Variants in RANBP2 observed in about 807,000 individuals in gnomAD.
RANBP2 encodes E3 SUMO-protein ligase RanBP2.
In RANBP2, 57 loss-of-function variants were observed where a neutral mutation model predicts 303.6. The observed-to-expected ratio is 0.19, with a 90% CI of 0.15 to 0.23. The LOEUF (loss-of-function observed/expected upper bound fraction) is 0.23, where lower values mean the gene tolerates loss of function less well. Among genes scored for constraint, RANBP2 ranks in the 10% least tolerant of loss-of-function variants. The pLI is 1.00. For synonymous variants in RANBP2, 1,167 were observed against 1,301.5 expected (o/e 0.90, Z 2.23); for missense variants, 3,138 against 3,780.8 (o/e 0.83, Z 4.46).
chr2:109,230,274 C>T, the RANBP2 span, among the ~76,000 whole-genome samples: 1,930 of 152,116 alleles, frequency 0.013, 19 homozygotes, highest in South Asian at 0.024. Flanking sequence ...CATATACTTC[C>T]AGTAGAAATC....
At chr2:108,861,472 C>CTTTTTTTTTTTTTTTT in the RANBP2 span, among the ~76,000 whole-genome samples, 10 of 123,520 alleles carry the variant, frequency 8.1e-5, no homozygotes, top group East Asian at 6.6e-4. Flanking sequence ...AACTTTCTTC[C>CTTTTTTTTTTTTTTTT]TTTTTTTTTT....
the RANBP2 span, among the ~76,000 whole-genome samples, chr2:109,249,573 TTCCTTCC>T: frequency 9.7e-4 from 133 of 137,420 alleles, 5 homozygotes; most frequent in African/African-American, 3.7e-3. Flanking sequence ...CCTTCCTTCC[TTCCTTCC>T]TTCCTTTCCT....
the RANBP2 span, among the ~76,000 whole-genome samples, chr2:109,680,380 A>G: frequency 6.6e-6 from 1 of 151,120 alleles, no homozygotes; most frequent in Non-Finnish European, 1.5e-5. Context: ...CAAAAAAAAT[A>G]ATAAAAAAAA....
chr2:109,522,841 A>C, the RANBP2 span, among the ~76,000 whole-genome samples: 2 of 152,236 alleles, frequency 1.3e-5, no homozygotes, highest in African/African-American at 2.4e-5. Flanking sequence ...CCAGGGTGGA[A>C]GCACGTGGCA....
chr2:109,518,483 G>A, the RANBP2 span, among the ~76,000 whole-genome samples: 2 of 152,156 alleles, frequency 1.3e-5, no homozygotes, highest in Non-Finnish European at 2.9e-5. Flanking sequence ...CAGAGCCTAC[G>A]GCCCAGCTCC....
the RANBP2 span, among the ~76,000 whole-genome samples, chr2:109,025,466 A>G: frequency 6.6e-6 from 1 of 152,370 alleles, no homozygotes; most frequent in East Asian, 1.9e-4. Flanking sequence ...CTTGACGTAC[A>G]TATTTTGGGG....
intron 28 of RANBP2, 146 bp downstream of exon 28, chr2:108,783,008 A>G (rs1477017585): frequency 1.1e-5 from 8 of 743,904 alleles, no homozygotes; most frequent in African/African-American, 1.8e-5. Context: ...ACATGGCATC[A>G]CTACCCATTC....
the RANBP2 span, among the ~76,000 whole-genome samples, chr2:109,461,280 T>C: frequency 1.3e-5 from 2 of 152,220 alleles, no homozygotes; most frequent in African/African-American, 4.8e-5. Flanking sequence ...TGGTCAAGCA[T>C]TTAGTCTCTA....
At chr2:109,079,350 T>G in the RANBP2 span, among the ~76,000 whole-genome samples, 2 of 152,182 alleles carry the variant, frequency 1.3e-5, no homozygotes, top group African/African-American at 2.4e-5. Flanking sequence ...ATGAATTGAC[T>G]GTTTGTGTTA....
chr2:109,597,097 C>A, the RANBP2 span, among the ~76,000 whole-genome samples: 2 of 152,026 alleles, frequency 1.3e-5, no homozygotes, highest in Admixed American at 1.3e-4. Flanking sequence ...ACTGGCACAT[C>A]CCAGCACACT....
chr2:108,723,465 C>T lies in RANBP2; in HGVS notation c.72+3787C>T, dbSNP rs192640329. 1.4e-4 allele frequency among the ~76,000 whole-genome samples: 21 copies of T among 151,970 alleles called. No individual in the cohort carries two copies. The East Asian group carries it at 4.1e-3, about 29-fold the overall frequency. On this transcript the variant is annotated intron_variant, in intron 1 of 28. Transcript: ENST00000283195. ...AATTTTTTAGTATTTTTAGTAGAGA[C>T]GGGGTTTCACCGTGTTAGCCAGGAT... is the stretch of plus-strand genomic sequence containing the variant.
chr2:109,005,323 T>C, the RANBP2 span, among the ~76,000 whole-genome samples: 56 of 152,206 alleles, frequency 3.7e-4, no homozygotes, highest in African/African-American at 1.3e-3. Context: ...ATCTCCATGT[T>C]GCACAGAAGG....
chr2:108,789,914 CAAG>C (rs1231474307), downstream of RANBP2, among the ~76,000 whole-genome samples: 5 of 152,100 alleles, frequency 3.3e-5, no homozygotes. Flanking sequence ...CTATGGGTAT[CAAG>C]AAGGAGTAAG....
the RANBP2 span, among the ~76,000 whole-genome samples, chr2:109,021,217 T>TGTTGTGAAAAGTGTGTGTGAAAA: frequency 4.0e-5 from 6 of 151,884 alleles, no homozygotes; most frequent in East Asian, 9.7e-4. Flanking sequence ...CAGCATGGGG[T>TGTTGTGAAAAGTGTGTGTGAAAA]CTGTGTGAAA....
chr2:109,028,946 T>C, the RANBP2 span, among the ~76,000 whole-genome samples: 1 of 143,730 alleles, frequency 7.0e-6, no homozygotes, highest in Non-Finnish European at 1.5e-5. Flanking sequence ...TATTTGTTTG[T>C]TTATTTATTT....
the RANBP2 span, among the ~76,000 whole-genome samples, chr2:109,273,675 T>C: frequency 2.0e-5 from 3 of 152,184 alleles, no homozygotes; most frequent in South Asian, 2.1e-4. Context: ...CAACTGCTGA[T>C]GGGGACACAC....
At chr2:108,723,496 C>G (rs1474238991) in intron 1 of RANBP2, among the ~76,000 whole-genome samples, 2 of 151,972 alleles carry the variant, frequency 1.3e-5, no homozygotes, top group African/African-American at 2.4e-5. Context: ...AGGATAGTCT[C>G]GATCTCCTGA....
chr2:109,432,415 A>G, the RANBP2 span: 1 of 1,545,922 alleles, frequency 6.5e-7, no homozygotes, highest in Non-Finnish European at 8.7e-7. Flanking sequence ...GGGTTCCTCC[A>G]AAGACAACCT....
At chr2:109,024,035 C>T in the RANBP2 span, among the ~76,000 whole-genome samples, 2 of 152,154 alleles carry the variant, frequency 1.3e-5, no homozygotes, top group Non-Finnish European at 2.9e-5. Flanking sequence ...AAGCGATTCT[C>T]CTGCCTCAGC....
Sources: gnomAD v4.1 joint callset for allele counts (sites outside exome capture counted in the v4.1 genomes callset) on GRCh38, gnomAD v4.1.1 for gene constraint, MANE v1.5 for transcripts, NCBI Gene and HGNC (gene_info 2026-07-23, HGNC 2026-07-21) for gene names.